ARB2A: variants seen among roughly 807,000 people sequenced by gnomAD.
ARB2A encodes the protein cotranscriptional regulator ARB2A.
At chr5:93,762,456 G>C in the ARB2A span, among the ~76,000 whole-genome samples, 1 of 152,168 alleles carries the variant, frequency 6.6e-6, no homozygotes, top group Non-Finnish European at 1.5e-5. Context: ...TATCAGTGAT[G>C]GAAGATCAAA....
the ARB2A span, among the ~76,000 whole-genome samples, chr5:93,793,444 A>ATT: frequency 6.6e-6 from 1 of 151,216 alleles, no homozygotes; most frequent in African/African-American, 2.4e-5. Context: ...AATATCCTGT[A>ATT]TTTTTTTCTT....
the ARB2A span, among the ~76,000 whole-genome samples, chr5:94,027,276 C>A: frequency 6.6e-6 from 1 of 152,298 alleles, no homozygotes; most frequent in East Asian, 1.9e-4. Flanking sequence ...AAATTCCTAC[C>A]TGATGTCTTT....
At chr5:93,653,380 C>A in the ARB2A span, among the ~76,000 whole-genome samples, 1 of 150,808 alleles carries the variant, frequency 6.6e-6, no homozygotes, top group Non-Finnish European at 1.5e-5. Context: ...GGCGTGGTAG[C>A]GGGCGCCTGT....
the ARB2A span, among the ~76,000 whole-genome samples, chr5:93,688,653 A>C: frequency 6.6e-6 from 1 of 152,102 alleles, no homozygotes; most frequent in South Asian, 2.1e-4. Flanking sequence ...TTTAGTGTCC[A>C]TTTCTACTTG....
At chr5:94,011,824 A>T in the ARB2A span, among the ~76,000 whole-genome samples, 1 of 150,138 alleles carries the variant, frequency 6.7e-6, no homozygotes, top group East Asian at 2.0e-4. Context: ...TAGCACAGAC[A>T]TGGTATTAGA....
At chr5:93,806,876 T>A in the ARB2A span, among the ~76,000 whole-genome samples, 2 of 152,016 alleles carry the variant, frequency 1.3e-5, no homozygotes, top group South Asian at 4.2e-4. Flanking sequence ...AGTGACCTGT[T>A]AAAAAACAGT....
the ARB2A span, among the ~76,000 whole-genome samples, chr5:93,657,380 G>C: frequency 6.6e-6 from 1 of 152,100 alleles, no homozygotes; most frequent in Non-Finnish European, 1.5e-5. Context: ...CTTTCTTCTA[G>C]ACCTATCATA....
chr5:94,107,146 T>A, the ARB2A span, among the ~76,000 whole-genome samples: 3 of 152,302 alleles, frequency 2.0e-5, no homozygotes, highest in African/African-American at 7.2e-5. Context: ...TAATCTGATA[T>A]GAAGAAATGC....
At chr5:93,768,177 T>C in the ARB2A span, among the ~76,000 whole-genome samples, 1 of 151,646 alleles carries the variant, frequency 6.6e-6, no homozygotes, top group African/African-American at 2.4e-5. Flanking sequence ...AATGATATAA[T>C]GGACTTTGGG....
the ARB2A span, among the ~76,000 whole-genome samples, chr5:93,676,249 G>C: frequency 6.6e-6 from 1 of 152,070 alleles, no homozygotes; most frequent in Non-Finnish European, 1.5e-5. Flanking sequence ...AATGCTGTGT[G>C]ACACACAGTG....
At chr5:93,760,103 C>T in the ARB2A span, among the ~76,000 whole-genome samples, 5 of 152,104 alleles carry the variant, frequency 3.3e-5, no homozygotes, top group South Asian at 2.1e-4. Flanking sequence ...ACACCAACAG[C>T]GACCAAGCGG....
At chr5:93,776,145 C>T in the ARB2A span, 2 of 1,591,696 alleles carry the variant, frequency 1.3e-6, no homozygotes, top group Non-Finnish European at 8.6e-7. Context: ...ATATATCTCT[C>T]ATCAAACACA....
At chr5:93,630,814 C>T in the ARB2A span, among the ~76,000 whole-genome samples, 1 of 152,158 alleles carries the variant, frequency 6.6e-6, no homozygotes. Flanking sequence ...TGGCATGCAC[C>T]TGTAGTCCCA....
the ARB2A span, among the ~76,000 whole-genome samples, chr5:93,911,920 T>C: frequency 1.1e-3 from 166 of 151,788 alleles, 2 homozygotes; most frequent in Middle Eastern, 0.034. Context: ...CTTCAGAACA[T>C]CTCCACAGCA....
chr5:93,633,974 G>A, the ARB2A span, among the ~76,000 whole-genome samples: 2 of 151,990 alleles, frequency 1.3e-5, no homozygotes, highest in African/African-American at 4.8e-5. Flanking sequence ...TGCTGCCCAG[G>A]CTGGTCTTGA....
chr5:94,027,858 T>G, the ARB2A span, among the ~76,000 whole-genome samples: 2 of 151,900 alleles, frequency 1.3e-5, no homozygotes, highest in African/African-American at 4.8e-5. Flanking sequence ...TTGAGACTAG[T>G]GGGAAGGAAG....
the ARB2A span, among the ~76,000 whole-genome samples, chr5:93,946,403 CGAAT>C: frequency 6.6e-6 from 1 of 151,778 alleles, no homozygotes; most frequent in Non-Finnish European, 1.5e-5. Context: ...AATTAAGAGA[CGAAT>C]GAAGATCTGA....
At chr5:94,050,819 C>T in the ARB2A span, 1 of 1,607,546 alleles carries the variant, frequency 6.2e-7, no homozygotes, top group South Asian at 1.1e-5. Context: ...TTTTATGTGT[C>T]TTAACTGTCC....
At chr5:93,652,544 A>G in the ARB2A span, among the ~76,000 whole-genome samples, 1 of 152,180 alleles carries the variant, frequency 6.6e-6, no homozygotes, top group African/African-American at 2.4e-5. Flanking sequence ...CCATTACTGT[A>G]TATTTCCAAC....
Sources: gnomAD v4.1 joint callset for allele counts (sites outside exome capture counted in the v4.1 genomes callset) on GRCh38, gnomAD v4.1.1 for gene constraint, MANE v1.5 for transcripts, NCBI Gene and HGNC (gene_info 2026-07-23, HGNC 2026-07-21) for gene names.